IL7: variants seen among roughly 807,000 people sequenced by gnomAD.
IL7 encodes interleukin 7, also known as interleukin-7.
A neutral mutation model predicts 21.6 loss-of-function variants in IL7; 3 were observed. The ratio of observed to expected loss-of-function variants is 0.14; its 90% CI spans 0.06 to 0.36. The LOEUF is 0.36. Among genes scored for constraint, IL7 ranks in the 10% least tolerant of loss-of-function variants. The probability of loss-of-function intolerance (pLI) is 1.00; values close to 1 mark genes in which losing one functional copy is unlikely to be tolerated. For synonymous variants in IL7, 62 were observed against 68.1 expected, an observed-to-expected ratio of 0.91 and a Z score of 0.44; for missense variants, 175 against 200.2, an observed-to-expected ratio of 0.87 and a Z score of 0.76.
chr8:78,764,736 G>A (rs1022994504), intron 2 of IL7, among the ~76,000 whole-genome samples: 1 of 152,032 alleles, frequency 6.6e-6, no homozygotes, highest in East Asian at 1.9e-4. Context: ...ACTCAATATT[G>A]TCATGATGTC....
intron 2 of IL7, among the ~76,000 whole-genome samples, chr8:78,776,261 T>A (rs1487344076): frequency 6.6e-6 from 1 of 152,068 alleles, no homozygotes; most frequent in Non-Finnish European, 1.5e-5. Context: ...ATGAGACTAA[T>A]GGGCAGGTAG....
chr8:78,690,151 T>C (rs1330525151), intron 3 of IL7, among the ~76,000 whole-genome samples: 2 of 152,062 alleles, frequency 1.3e-5, no homozygotes, highest in South Asian at 4.1e-4. Flanking sequence ...TTCTGTTCCA[T>C]TGATTTATAT....
intron 2 of IL7, among the ~76,000 whole-genome samples, chr8:78,797,415 A>G (rs1255042336): frequency 6.6e-6 from 1 of 152,056 alleles, no homozygotes; most frequent in Non-Finnish European, 1.5e-5. Context: ...TAATGTATCA[A>G]TGCTGGCTCA....
chr8:78,722,230 C>T (rs1039430238), intron 3 of IL7, among the ~76,000 whole-genome samples: 3 of 151,714 alleles, frequency 2.0e-5, no homozygotes, highest in Admixed American at 6.6e-5. Context: ...CTGAAACTGC[C>T]GCCTTTTACG....
intron 2 of IL7, among the ~76,000 whole-genome samples, chr8:78,783,718 T>C (rs1263441222): frequency 2.0e-5 from 3 of 152,204 alleles, no homozygotes; most frequent in Non-Finnish European, 2.9e-5. Context: ...ATTTCAACTA[T>C]ATAACCTGTG....
chr8:78,789,930 A>G (rs1236533025), intron 2 of IL7, among the ~76,000 whole-genome samples: 5 of 152,156 alleles, frequency 3.3e-5, no homozygotes, highest in Non-Finnish European at 7.4e-5. Context: ...ACTATTATGC[A>G]TGAGGTGCCA....
chr8:78,746,915 A>G (rs923389066), intron 2 of IL7: 25 of 387,632 alleles, frequency 6.4e-5, no homozygotes, highest in African/African-American at 4.9e-4. Flanking sequence ...ATTCTTTGTG[A>G]TAGGACAGTT....
At chr8:78,790,226 T>C (rs1813639301) in intron 2 of IL7, among the ~76,000 whole-genome samples, 1 of 152,212 alleles carries the variant, frequency 6.6e-6, no homozygotes, top group African/African-American at 2.4e-5. Flanking sequence ...TTTGGCCATT[T>C]CTAGCAGCCT....
intron 3 of IL7, among the ~76,000 whole-genome samples, chr8:78,710,400 G>T (rs1810915558): frequency 1.3e-5 from 2 of 151,858 alleles, no homozygotes; most frequent in African/African-American, 2.4e-5. Context: ...GAAAATATTG[G>T]CAATCTTTTT....
downstream of IL7, chr8:78,675,642 G>T: frequency 1.5e-6 from 1 of 660,942 alleles, no homozygotes. Context: ...CCTTTTCATA[G>T]ATAATTTTGC....
intron 4 of IL7, among the ~76,000 whole-genome samples, chr8:78,677,420 A>G (rs1051900159): frequency 6.6e-6 from 1 of 152,084 alleles, no homozygotes; most frequent in African/African-American, 2.4e-5. Context: ...GGCGAAGAAA[A>G]CTGCAAAGTT....
chr8:78,742,333 T>C (rs1255201068), intron 2 of IL7, among the ~76,000 whole-genome samples: 1 of 151,502 alleles, frequency 6.6e-6, no homozygotes, highest in African/African-American at 2.4e-5. Flanking sequence ...CAGAAAAAAA[T>C]AAAAAATAAA....
At chr8:78,746,482 G>A (rs770553190) in intron 2 of IL7, among the ~76,000 whole-genome samples, 1 of 152,230 alleles carries the variant, frequency 6.6e-6, no homozygotes, top group African/African-American at 2.4e-5. Context: ...AGAAAGCAAG[G>A]AGGAAGCCAT....
chr8:78,729,654 A>G (rs1211780088), downstream of IL7, among the ~76,000 whole-genome samples: 1 of 152,000 alleles, frequency 6.6e-6, no homozygotes, highest in Non-Finnish European at 1.5e-5. Flanking sequence ...ATTTTCTGGA[A>G]GATCATGCTG....
chr8:78,753,361 G>A (rs1362097487), intron 2 of IL7, among the ~76,000 whole-genome samples: 1 of 152,008 alleles, frequency 6.6e-6, no homozygotes, highest in Non-Finnish European at 1.5e-5. Flanking sequence ...TGATATGTTT[G>A]TTGGCCGCAT....
At chr8:78,803,741 G>A (rs1004337911) in intron 1 of IL7, among the ~76,000 whole-genome samples, 1 of 152,150 alleles carries the variant, frequency 6.6e-6, no homozygotes, top group Non-Finnish European at 1.5e-5. Flanking sequence ...AGGAAAATAG[G>A]GTTGTGCTCA....
At position 78,711,931 on chromosome 8, in the gene IL7, CTT is replaced by C. The variant is rs781395837; in HGVS notation, n.214+9415_214+9416del. 12 of 1,097,406 alleles carry C rather than the reference CTT, an allele frequency of 1.1e-5. No individual in the cohort carries two copies. In the African/African-American group the frequency reaches 1.5e-4, roughly 13 times the overall value. The allele number at this position is 1,097,406 out of a possible 1,614,324, so 68.0% of individuals were successfully genotyped here. A position where few individuals can be genotyped will look rare whatever the true frequency, so the allele number is the denominator to read the frequency against. On this transcript the variant is annotated intron_variant and non_coding_transcript_variant, in intron 3 of 4. Coordinates refer to the IL7 transcript ENST00000523959. ...ACCAGAATAATGTCTTTTAAAAAAA[CTT>C]TATATAAAGAAGCAGTAGCAATCTC...
At chr8:78,768,864 G>A (rs1188309382) in intron 2 of IL7, among the ~76,000 whole-genome samples, 1 of 152,170 alleles carries the variant, frequency 6.6e-6, no homozygotes, top group Non-Finnish European at 1.5e-5. Context: ...TCCCTGGGAT[G>A]CAAGGCTGGT....
intron 3 of IL7, among the ~76,000 whole-genome samples, chr8:78,687,994 T>A (rs992726600): frequency 1.4e-5 from 2 of 146,260 alleles, no homozygotes; most frequent in Admixed American, 1.4e-4. Flanking sequence ...TATATATATA[T>A]AAATATAAAA....
Sources: allele counts gnomAD v4.1 joint callset (sites outside exome capture counted in the v4.1 genomes callset), GRCh38; gene constraint gnomAD v4.1.1; transcripts MANE v1.5; gene names NCBI Gene and HGNC (gene_info 2026-07-23, HGNC 2026-07-21).